The following SEMA4B variants were observed in gnomAD, a reference collection of about 807,000 sequenced individuals.
SEMA4B encodes semaphorin 4B.
Under a neutral mutation model 88.1 loss-of-function variants are expected in SEMA4B, and 55 were observed. That is an observed-to-expected ratio of 0.62 (90% CI 0.50 to 0.78). The LOEUF (loss-of-function observed/expected upper bound fraction) is 0.78. SEMA4B is among the 30% of genes least tolerant of loss of function. SEMA4B has a pLI of 0.00. For synonymous variants in SEMA4B, 525 were observed against 473.6 expected, an observed-to-expected ratio of 1.11 and a Z score of -1.41; for missense variants, 1,062 against 1,111.9, an observed-to-expected ratio of 0.96 and a Z score of 0.64.
upstream of SEMA4B, among the ~76,000 whole-genome samples, chr15:90,197,459 A>G (rs1200450911): frequency 6.6e-6 from 1 of 151,416 alleles, no homozygotes; most frequent in Non-Finnish European, 1.5e-5. Flanking sequence ...TTTTTTTGGG[A>G]CGGAGTCTCG....
chr15:90,208,961 C>T (rs1262100468), intron 1 of SEMA4B, among the ~76,000 whole-genome samples: 1 of 152,144 alleles, frequency 6.6e-6, no homozygotes, highest in Admixed American at 6.5e-5. Flanking sequence ...AGGCTGGTCT[C>T]GAGCTCCTGT....
Position 90,228,879 on chromosome 15 carries a change from G to A in SEMA4B, c.*236G>A. On this transcript the variant is annotated 3_prime_UTR_variant, in exon 14 of 14. Coordinates refer to ENST00000411539, the MANE Select transcript of SEMA4B (RefSeq NM_198925.4). ...CTGGCCAAATATGGGGGCCTGCCTA[G>A]GTTGGTGGAACAGTGCTCCTTATGT... 1 of 595,524 alleles carries A rather than the reference G, an allele frequency of 1.7e-6. No individual in the cohort carries two copies. The highest frequency in any genetic ancestry group is 4.0e-4 in the Middle Eastern group (1 of 2,512). 36.9% of individuals were successfully genotyped at this position (595,524 alleles called of 1,614,324 possible). A position where few individuals can be genotyped will look rare whatever the true frequency, so the allele number is the denominator to read the frequency against.
At position 90,228,633 on chromosome 15, in the gene SEMA4B, C is replaced by T; in HGVS notation, c.2504C>T (p.Ser835Phe). Residue 835 changes from serine to phenylalanine, a missense_variant, in exon 14 of 14, where the codon TCT (serine) becomes TTT (phenylalanine). Transcript: ENST00000411539. ...RVRLGSEIRD[S>F]VV ...CGCCTTGGCTCGGAGATCCGTGACTCTGTGGTGTGAGAGCTGACTTCCAGA... is the reference window on the plus strand; with the variant it reads ...CGCCTTGGCTCGGAGATCCGTGACTTTGTGGTGTGAGAGCTGACTTCCAGA... The T allele has an allele frequency of 6.2e-7, 1 of 1,613,306 alleles. No individual in the cohort carries two copies. Among genetic ancestry groups the T allele is most frequent in the Non-Finnish European group, 8.5e-7 (1 of 1,179,878 alleles).
At chr15:90,208,390 G>A (rs913142764) in intron 1 of SEMA4B, among the ~76,000 whole-genome samples, 1 of 152,234 alleles carries the variant, frequency 6.6e-6, no homozygotes, top group Non-Finnish European at 1.5e-5. Context: ...AGCAGCACGT[G>A]TCTGGGGCCT....
intron 3 of SEMA4B, 72 bp from the exon 4 acceptor site, chr15:90,219,721 G>GA: frequency 1.7e-6 from 2 of 1,207,772 alleles, no homozygotes; most frequent in Non-Finnish European, 2.4e-6. Context: ...GGTGTGGAAG[G>GA]GGGGGCTCGG....
At chr15:90,214,094 C>T (rs1961405431) in intron 1 of SEMA4B, among the ~76,000 whole-genome samples, 1 of 152,216 alleles carries the variant, frequency 6.6e-6, no homozygotes, top group Non-Finnish European at 1.5e-5. Context: ...ATAATCCCAG[C>T]ACTTTGGGAG....
chr15:90,229,580 A>AG lies in SEMA4B; in HGVS notation c.*937_*938insG. ...AACACTGCCCAGCACAGGGGCCCTG[A>AG]ATTTATGTGGTTTTTATACATTTTT... On this transcript the variant is annotated 3_prime_UTR_variant, in exon 14 of 14. Transcript: ENST00000411539. 1 of 334,762 alleles carries AG rather than the reference A, an allele frequency of 3.0e-6. No individual in the cohort carries two copies. Among genetic ancestry groups the AG allele is most frequent in the Non-Finnish European group, 5.9e-6 (1 of 169,280 alleles). 20.7% of individuals were successfully genotyped at this position (334,762 alleles called of 1,614,324 possible). A position where few individuals can be genotyped will look rare whatever the true frequency, so the allele number is the denominator to read the frequency against.
rs766435987 is a variant in SEMA4B, at chr15:90,217,481, T to A, written c.200T>A (p.Ile67Asn). 1 of 1,613,848 alleles carries A rather than the reference T, an allele frequency of 6.2e-7. No individual in the cohort carries two copies. The highest frequency in any genetic ancestry group is 8.5e-7 in the Non-Finnish European group (1 of 1,179,854). Residue 67 changes from isoleucine to asparagine, a missense_variant, in exon 2 of 14, where the codon ATC becomes AAC. Transcript: ENST00000411539. ...RPFLRFEAEH[I>N]SNYTALLLSR... ...TTCCTCAGATTCGAAGCTGAACACA[T>A]CTCCAACTACACAGCCCTTCTGCTG...
Position 90,212,643 on chromosome 15 carries a change from T to TACACACACAC in SEMA4B, c.158-4781_158-4772dup, listed in dbSNP as rs3029937. Among the ~76,000 whole-genome samples, 2 of 149,930 alleles carry TACACACACAC rather than the reference T, an allele frequency of 1.3e-5. No homozygotes were observed. Among genetic ancestry groups the TACACACACAC allele is most frequent in the South Asian group, 2.1e-4 (1 of 4,760 alleles). On this transcript the variant is annotated intron_variant, in intron 1 of 13. Coordinates refer to ENST00000411539, the MANE Select transcript of SEMA4B (RefSeq NM_198925.4). The surrounding 1 kb of genome is among the most constrained non-coding windows in gnomAD (Gnocchi z 4.0). ...CGTGGACAAGCCCTGCGGTACCGTG[T>TACACACACAC]ACACACACACACACACACACACACC... is the stretch of plus-strand genomic sequence containing the variant.
chr15:90,219,819 C>G lies in SEMA4B; in HGVS notation c.411C>G (p.Ile137Met). Residue 137 changes from isoleucine to methionine, a missense_variant, in exon 4 of 14, where the codon ATC (isoleucine) becomes ATG (methionine). Physicochemically the swap from Ile to Met is conservative, Grantham distance 10. Coordinates refer to ENST00000411539, the MANE Select transcript of SEMA4B (RefSeq NM_198925.4). ...GCGACTGTCAAAACTACATCAAGAT[C>G]CTCCTGCCGCTCAGCGGCAGTCACC... is the stretch of plus-strand genomic sequence containing the variant. ...PQRDCQNYIKILLPLSGSHLF... is the reference protein window; with the variant it reads ...PQRDCQNYIKMLLPLSGSHLF... The G allele has an allele frequency of 6.2e-7, 1 of 1,613,552 alleles. No homozygotes were observed. The highest frequency in any genetic ancestry group is 8.5e-7 in the Non-Finnish European group (1 of 1,179,770).
intron 1 of SEMA4B, among the ~76,000 whole-genome samples, chr15:90,214,328 CAAAAA>C (rs11289702): frequency 3.4e-5 from 3 of 89,236 alleles, no homozygotes; most frequent in Admixed American, 1.2e-4. Flanking sequence ...AACTCCGTCT[CAAAAA>C]AAAAAAAAAA....
At chr15:90,214,060 G>A (rs990965917) in intron 1 of SEMA4B, among the ~76,000 whole-genome samples, 2 of 152,156 alleles carry the variant, frequency 1.3e-5, no homozygotes, top group Non-Finnish European at 2.9e-5. Flanking sequence ...GCTGAGCTTC[G>A]GCTGGGCGCG....
chr15:90,223,103 C>T (rs1296470150), intron 7 of SEMA4B, among the ~76,000 whole-genome samples: 14 of 151,876 alleles, frequency 9.2e-5, no homozygotes, highest in Admixed American at 9.2e-4. Context: ...GTAGCTGGGA[C>T]TACCAGCATG....
intron 7 of SEMA4B, 65 bp downstream of exon 7, chr15:90,221,830 C>CA: frequency 6.6e-7 from 1 of 1,518,126 alleles, no homozygotes; most frequent in Non-Finnish European, 9.0e-7. Context: ...GCTGCAAGAT[C>CA]ACCCACATCC....
Position 90,201,697 on chromosome 15 carries a change from C to CGACCT in SEMA4B, c.121_125dup (p.Trp42Ter). On this transcript the variant is annotated frameshift_variant, in exon 1 of 14. Transcript: ENST00000411539. LOFTEE classifies it high-confidence loss of function. ...CTGCTCCTGCTGCAGCCGCCGCCTC[C>CGACCT]GACCTGGGCGCTCAGCCCCCGGATC... is the stretch of plus-strand genomic sequence containing the variant. 6.7e-7 allele frequency: 1 copy of CGACCT among 1,503,452 alleles called. No homozygotes were observed. The highest frequency in any genetic ancestry group is 8.8e-7 in the Non-Finnish European group (1 of 1,132,178). 93.1% of individuals were successfully genotyped at this position (1,503,452 alleles called of 1,614,324 possible). A position where few individuals can be genotyped will look rare whatever the true frequency, so the allele number is the denominator to read the frequency against.
At chr15:90,197,692 C>T (rs895131300), upstream of SEMA4B, among the ~76,000 whole-genome samples, 6 of 151,886 alleles carry the variant, frequency 4.0e-5, no homozygotes, top group East Asian at 9.8e-4. Flanking sequence ...GCACCTCGGC[C>T]TCCCAAAGTG....
upstream of SEMA4B, chr15:90,201,216 C>T (rs1335400990): frequency 8.5e-6 from 6 of 705,620 alleles, no homozygotes; most frequent in African/African-American, 3.8e-5. Context: ...GCCCCTGCGG[C>T]AGCGCCCCGA....
intron 1 of SEMA4B, among the ~76,000 whole-genome samples, chr15:90,190,866 C>A (rs1294118057): frequency 6.6e-6 from 1 of 152,182 alleles, no homozygotes; most frequent in Non-Finnish European, 1.5e-5. Flanking sequence ...GCCTCTACCT[C>A]TCAGGTTCAA....
At chr15:90,191,916 C>G (rs746098783) in intron 1 of SEMA4B, 2 of 152,228 alleles carry the variant, frequency 1.3e-5, no homozygotes, top group African/African-American at 4.8e-5. Flanking sequence ...CAGCTGGTGT[C>G]GCTTCCTCTT....
Sources: allele counts gnomAD v4.1 joint callset (sites outside exome capture counted in the v4.1 genomes callset), GRCh38; gene constraint gnomAD v4.1.1; non-coding constraint Gnocchi (gnomAD v3.1); transcripts MANE v1.5; gene names NCBI Gene and HGNC (gene_info 2026-07-23, HGNC 2026-07-21).